Variants in UCHL5 observed in about 807,000 individuals in gnomAD.
The protein encoded by UCHL5 is ubiquitin C-terminal hydrolase L5, also known as ubiquitin carboxyl-terminal hydrolase isozyme L5.
UCHL5 carries 34 observed loss-of-function variants against 53.8 expected under a neutral mutation model. That is an observed-to-expected ratio of 0.63 (90% CI 0.48 to 0.84). The LOEUF (loss-of-function observed/expected upper bound fraction) is 0.84. Among genes scored for constraint, UCHL5 ranks in the 40% least tolerant of loss-of-function variants. UCHL5 has a pLI of 0.00. For missense variants in UCHL5, 290 were observed against 385.6 expected (o/e 0.75, Z 2.08); for synonymous variants, 111 against 126.3 (o/e 0.88, Z 0.81).
chr1:193,043,056 G>A (rs1666122636), intron 3 of UCHL5, among the ~76,000 whole-genome samples: 1 of 143,418 alleles, frequency 7.0e-6, no homozygotes, highest in African/African-American at 2.6e-5. Flanking sequence ...TGAAGCCCCA[G>A]AAATCATCTT....
chr1:193,035,392 C>T (rs1251340340), intron 3 of UCHL5, among the ~76,000 whole-genome samples: 1 of 151,536 alleles, frequency 6.6e-6, no homozygotes, highest in Non-Finnish European at 1.5e-5. Context: ...CATCTAGCAA[C>T]GGGGTTCTCA....
intron 3 of UCHL5, among the ~76,000 whole-genome samples, chr1:193,034,775 G>A (rs1558077142): frequency 6.6e-6 from 1 of 152,070 alleles, no homozygotes; most frequent in East Asian, 1.9e-4. Context: ...AGGTTTGGAA[G>A]AATGATTTAA....
intron 9 of UCHL5, 59 bp from the exon 10 acceptor site, chr1:193,021,254 C>A (rs1391342749): frequency 2.6e-6 from 3 of 1,150,212 alleles, no homozygotes; most frequent in Admixed American, 3.7e-5. Flanking sequence ...ATATTTTATT[C>A]TTTGCATCCA....
chr1:193,033,554 C>T (rs960962129), intron 3 of UCHL5, among the ~76,000 whole-genome samples: 5 of 151,714 alleles, frequency 3.3e-5, no homozygotes, highest in Admixed American at 1.3e-4. Context: ...AAATTATTGT[C>T]AATCTTCATT....
chr1:193,052,157 T>C (rs1669258335), intron 1 of UCHL5, among the ~76,000 whole-genome samples: 1 of 152,168 alleles, frequency 6.6e-6, no homozygotes, highest in South Asian at 2.1e-4. Context: ...ATTATTATTT[T>C]TTCTTACTCT....
chr1:193,017,416 C>T (rs942426532), intron 10 of UCHL5, among the ~76,000 whole-genome samples: 2 of 151,426 alleles, frequency 1.3e-5, no homozygotes, highest in Non-Finnish European at 3.0e-5. Flanking sequence ...CAGTGCTGTG[C>T]CTTAGAATGA....
intron 3 of UCHL5, among the ~76,000 whole-genome samples, chr1:193,031,984 C>A (rs1661587615): frequency 6.6e-6 from 1 of 152,180 alleles, no homozygotes; most frequent in South Asian, 2.1e-4. Flanking sequence ...AGCAGAGGGT[C>A]TCAAGTAGGA....
At chr1:193,036,567 C>T (rs1232753935) in intron 3 of UCHL5, among the ~76,000 whole-genome samples, 1 of 151,930 alleles carries the variant, frequency 6.6e-6, no homozygotes, top group Non-Finnish European at 1.5e-5. Context: ...TCTGACAGAT[C>T]ATGCAAACAG....
In UCHL5 at chr1:193,029,597, G is replaced by C. The variant is rs1571600194; in HGVS notation, c.307C>G (p.Gln103Glu). The C allele has an allele frequency of 6.2e-7, 1 of 1,613,130 alleles. No individual in the cohort carries two copies. The highest frequency in any genetic ancestry group is 8.5e-7 in the Non-Finnish European group (1 of 1,179,618). Reference protein sequence around the residue: ...IVSVLLNCTHQDVHLGETLSE... With the variant: ...IVSVLLNCTHEDVHLGETLSE... ...AATGTCTCGCCTAAATGGACATCCT[G>C]GTGGGTACAGTTCAGTAACACACTC... is the stretch of plus-strand genomic sequence containing the variant. Residue 103 changes from glutamine to glutamate, a missense_variant, in exon 4 of 11, where the codon CAG (glutamine) becomes GAG (glutamate). By Grantham distance (29) the Gln-to-Glu change is conservative. Transcript: ENST00000367454.
chr1:193,029,109 G>A, intron 6 of UCHL5, 70 bp downstream of exon 6: 1 of 1,554,194 alleles, frequency 6.4e-7, no homozygotes, highest in Non-Finnish European at 8.7e-7. Flanking sequence ...AAGCAGCACT[G>A]AATGAGGGTA....
At chr1:193,033,365 C>T (rs935509159) in intron 3 of UCHL5, among the ~76,000 whole-genome samples, 6 of 151,730 alleles carry the variant, frequency 4.0e-5, no homozygotes, top group East Asian at 2.0e-4. Context: ...CATCACACAC[C>T]GGGGCTTGTC....
chr1:193,033,377 G>A (rs1050391850), intron 3 of UCHL5, among the ~76,000 whole-genome samples: 1 of 152,034 alleles, frequency 6.6e-6, no homozygotes, highest in Non-Finnish European at 1.5e-5. Context: ...GGGCTTGTCG[G>A]GGGGTTGCGG....
chr1:193,059,460 A>C (rs745658262), upstream of UCHL5: 2 of 1,609,138 alleles, frequency 1.2e-6, no homozygotes, highest in South Asian at 2.2e-5. This position sits in a 1 kb window ranked among gnomAD's most constrained non-coding sequence, Gnocchi z 4.9. Flanking sequence ...CCCTAGAGAC[A>C]TCGAAACTCT....
chr1:193,035,854 A>G (rs1248515299), intron 3 of UCHL5, among the ~76,000 whole-genome samples: 1 of 152,120 alleles, frequency 6.6e-6, no homozygotes, highest in African/African-American at 2.4e-5. Context: ...TATAAGGGGT[A>G]AAAAGTTAAA....
Position 193,022,156 on chromosome 1 carries a change from G to A in UCHL5, c.843+770C>T, listed in dbSNP as rs532371558. 8.5e-5 allele frequency among the ~76,000 whole-genome samples: 13 copies of A among 152,066 alleles called. No homozygotes were observed. In the South Asian group the frequency reaches 2.7e-3, roughly 32 times the overall value. On this transcript the variant is annotated intron_variant, in intron 9 of 10. Coordinates refer to ENST00000367454, the MANE Select transcript of UCHL5 (RefSeq NM_001199261.3). ...TCCCGCCTGGAATACTCTAGAGCCT[G>A]CCTGCCTGCCCCTACCACTTTCACC...
At chr1:193,020,120 G>C in intron 10 of UCHL5, 2 of 984,836 alleles carry the variant, frequency 2.0e-6, no homozygotes, top group Non-Finnish European at 2.4e-6. Flanking sequence ...AGATTTAGCA[G>C]TCTTCTGCAA....
rs940746483 is a variant in UCHL5 at position 193,013,019 on chromosome 1, T to C, written c.*3332A>G. The C allele has an allele frequency of 6.6e-6, 1 of 152,214 alleles. No individual in the cohort carries two copies. Among genetic ancestry groups the C allele is most frequent in the Non-Finnish European group, 1.5e-5 (1 of 68,028 alleles). The allele number at this position is 152,214 out of a possible 1,614,324, so 9.4% of individuals were successfully genotyped here. A position where few individuals can be genotyped will look rare whatever the true frequency, so the allele number is the denominator to read the frequency against. On this transcript the variant is annotated 3_prime_UTR_variant, in exon 11 of 11. Coordinates refer to ENST00000367454, the MANE Select transcript of UCHL5 (RefSeq NM_001199261.3). ...CATGTTTGACTGATCTAGGAATTCA[T>C]ACTACTCTAAAAAACGCAGTATCAT...
rs1368089129 is a variant in UCHL5, at chr1:193,021,209, A to T, written c.844-14T>A. 1 of 1,503,580 alleles carries T rather than the reference A, an allele frequency of 6.7e-7. No individual in the cohort carries two copies. The highest frequency in any genetic ancestry group is 9.2e-7 in the Non-Finnish European group (1 of 1,083,232). 93.1% of individuals were successfully genotyped at this position (1,503,580 alleles called of 1,614,324 possible). ...GATATTCTCAATCTGAAAATAAAAC[A>T]TCAATCCACACTAACTACATTTCTG... On this transcript the variant is annotated splice_polypyrimidine_tract_variant and intron_variant, in intron 9 of 10. Coordinates refer to ENST00000367454, the MANE Select transcript of UCHL5 (RefSeq NM_001199261.3).
At chr1:193,028,820 G>A (rs989107092) in intron 6 of UCHL5, among the ~76,000 whole-genome samples, 1 of 152,080 alleles carries the variant, frequency 6.6e-6, no homozygotes, top group Non-Finnish European at 1.5e-5. Context: ...CTTTAATACG[G>A]ATGTTAAGAA....
Sources: gnomAD v4.1 joint callset for allele counts (sites outside exome capture counted in the v4.1 genomes callset) on GRCh38, gnomAD v4.1.1 for gene constraint, Gnocchi (gnomAD v3.1) non-coding constraint, MANE v1.5 for transcripts, NCBI Gene and HGNC (gene_info 2026-07-23, HGNC 2026-07-21) for gene names.